SLC32A1: variants seen among roughly 807,000 people sequenced by gnomAD.
SLC32A1 encodes solute carrier family 32 member 1.
A neutral mutation model predicts 35.5 loss-of-function variants in SLC32A1; 8 were observed. The observed-to-expected ratio is 0.23, with a 90% CI of 0.13 to 0.41. The LOEUF (loss-of-function observed/expected upper bound fraction) is 0.41, where lower values mean the gene tolerates loss of function less well. SLC32A1 is among the 10% of genes least tolerant of loss of function. The pLI is 1.00. For synonymous variants in SLC32A1, 317 were observed against 326.3 expected, an observed-to-expected ratio of 0.97 and a Z score of 0.31; for missense variants, 493 against 722.3, an observed-to-expected ratio of 0.68 and a Z score of 3.64.
At position 38,724,948 on chromosome 20, in the gene SLC32A1, C is replaced by T. The variant is rs2084269077; in HGVS notation, c.224C>T (p.Ala75Val). Residue 75 changes from alanine (A) to valine (V), a missense_variant, in exon 1 of 2, where the codon GCT becomes GTT. This residue lies in a region of SLC32A1 where 133 missense variants were observed against 145.9 expected (regional missense o/e 0.91). Transcript: ENST00000217420. ...AEGEPCGDEG[A>V]EAPVEGDIHY... ...GGAGAGCCCTGCGGGGACGAGGGCG[C>T]TGAAGCGCCCGTCGAGGGAGACATC... is the stretch of plus-strand genomic sequence containing the variant. 1 of 1,607,216 alleles carries T rather than the reference C, an allele frequency of 6.2e-7. No individual in the cohort carries two copies. Among genetic ancestry groups the T allele is most frequent in the African/African-American group, 1.3e-5 (1 of 74,496 alleles).
In SLC32A1 at chr20:38,724,940, C is replaced by T. The variant is rs759562550; in HGVS notation, c.216C>T (p.Asp72=). The change falls in exon 1 of 2, where the codon GAC becomes GAT. Residue 72 remains aspartate (D), a synonymous_variant. Coordinates refer to ENST00000217420, the MANE Select transcript of SLC32A1 (RefSeq NM_080552.3). The part of the protein sequence containing the change: ...ILKAEGEPCG[D]EGAEAPVEGD... Reference sequence around the variant, plus strand: ...AAGCCGAGGGAGAGCCCTGCGGGGACGAGGGCGCTGAAGCGCCCGTCGAGG... The same window carrying T: ...AAGCCGAGGGAGAGCCCTGCGGGGATGAGGGCGCTGAAGCGCCCGTCGAGG... 3.7e-6 allele frequency: 6 copies of T among 1,610,254 alleles called. No homozygotes were observed. In the South Asian group the frequency reaches 6.6e-5, roughly 18 times the overall value.
rs1196162190 is a variant in SLC32A1 at position 38,726,793 on chromosome 20, G to C, written c.391-659G>C. On this transcript the variant is annotated intron_variant, in intron 1 of 1. Coordinates refer to ENST00000217420, the MANE Select transcript of SLC32A1 (RefSeq NM_080552.3). The surrounding 1 kb of genome is among the most constrained non-coding windows in gnomAD (Gnocchi z 4.7). ...CCTCCCCGCGCGCTGCTCCCCAAGC[G>C]TCTTCACATTGTCTCTGTTCTTGCC... 6.6e-6 allele frequency among the ~76,000 whole-genome samples: 1 copy of C among 151,942 alleles called. No individual in the cohort carries two copies. Among genetic ancestry groups the C allele is most frequent in the East Asian group, 1.9e-4 (1 of 5,140 alleles).
rs549741287 is a variant in SLC32A1 at position 38,728,662 on chromosome 20, G to A, written c.*23G>A. The A allele has an allele frequency of 7.8e-5, 122 of 1,556,438 alleles. 2 individuals carry two copies. In the South Asian group the frequency reaches 1.4e-3, roughly 18 times the overall value. On this transcript the variant is annotated 3_prime_UTR_variant, in exon 2 of 2. Transcript: ENST00000217420. ...TAGGGCGCAAGGGCGAGCCCCCGCC[G>A]CGCTTCTGCGCTCTCTCCCTTCTCC...
chr20:38,727,503 G>T lies in SLC32A1; in HGVS notation c.442G>T (p.Gly148Trp). 1 of 1,609,122 alleles carries T rather than the reference G, an allele frequency of 6.2e-7. No individual in the cohort carries two copies. The change falls in exon 2 of 2, where the codon GGG (glycine) becomes TGG (tryptophan). Residue 148 changes from glycine to tryptophan, a missense_variant. Physicochemically the swap from Gly to Trp is radical, Grantham distance 184. Transcript: ENST00000217420. The part of the protein sequence containing the change: ...PYAILHGGYL[G>W]LFLIIFAAVV... ...CGCCATCCTGCACGGCGGCTACCTG[G>T]GGTTGTTTCTCATCATCTTCGCCGC...
chr20:38,728,129 C>A lies in SLC32A1; in HGVS notation c.1068C>A (p.Leu356=), dbSNP rs751675788. The A allele has an allele frequency of 1.2e-6, 2 of 1,614,120 alleles. No homozygotes were observed. The highest frequency in any genetic ancestry group is 1.1e-5 in the South Asian group (1 of 91,078). ...AACVLKGLFA[L]VAYLTWADET... is the part of the protein sequence containing the mutation. ...GCGTGCTCAAGGGCCTCTTCGCGCT[C>A]GTCGCCTACCTCACCTGGGCCGACG... The change falls in exon 2 of 2, where the codon CTC becomes CTA. Residue 356 remains leucine, a synonymous_variant. Transcript: ENST00000217420.
Position 38,727,583 on chromosome 20 carries a change from T to G in SLC32A1, c.522T>G (p.Asn174Lys), listed in dbSNP as rs759565716. Residue 174 changes from asparagine to lysine, a missense_variant, in exon 2 of 2, where the codon AAT (asparagine) becomes AAG (lysine). Coordinates refer to ENST00000217420, the MANE Select transcript of SLC32A1 (RefSeq NM_080552.3). ...TCATCGCGTGCCTGTACGAGGAGAA[T>G]GAAGACGGCGAGGTGGTGCGCGTGC... is the stretch of plus-strand genomic sequence containing the variant. ...KILIACLYEENEDGEVVRVRD... is the reference protein window; with the variant it reads ...KILIACLYEEKEDGEVVRVRD... 1.9e-6 allele frequency: 3 copies of G among 1,611,730 alleles called. No individual in the cohort carries two copies. Among genetic ancestry groups the G allele is most frequent in the Non-Finnish European group, 2.5e-6 (3 of 1,180,028 alleles).
rs1466225482 is a variant in SLC32A1 at position 38,725,013 on chromosome 20, G to A, written c.289G>A (p.Gly97Ser). The change falls in exon 1 of 2, where the codon GGC becomes AGC. Residue 97 changes from glycine (G) to serine (S), a missense_variant. Around this residue, in one of 4 missense-constraint regions of SLC32A1, gnomAD observed 133 missense variants for 145.9 expected, o/e 0.91. Transcript: ENST00000217420. ...RGSGAPLPPSGSKDQVGGGGE... is the reference protein window; with the variant it reads ...RGSGAPLPPSSSKDQVGGGGE... The stretch of plus-strand genomic sequence containing the variant: ...CAGCGGAGCTCCTCTGCCGCCCTCC[G>A]GCTCCAAGGACCAGGTGGGAGGTGG... 6.4e-6 allele frequency: 10 copies of A among 1,568,378 alleles called. No individual in the cohort carries two copies. Among genetic ancestry groups the A allele is most frequent in the South Asian group, 2.4e-5 (2 of 83,926 alleles).
chr20:38,726,706 G>A lies in SLC32A1; in HGVS notation c.391-746G>A, dbSNP rs2084277479. Among the ~76,000 whole-genome samples the A allele has an allele frequency of 6.6e-6, 1 of 151,974 alleles. No homozygotes were observed. Among genetic ancestry groups the A allele is most frequent in the Non-Finnish European group, 1.5e-5 (1 of 67,986 alleles). ...CACTTAGTCCCCTTCCTTAGGTCTC[G>A]CCCTCGCCTCACTCTAACTCCAGCC... On this transcript the variant is annotated intron_variant, in intron 1 of 1. Transcript: ENST00000217420. The surrounding 1 kb of genome is among the most constrained non-coding windows in gnomAD (Gnocchi z 4.7).
Position 38,728,523 on chromosome 20 carries a change from C to T in SLC32A1, c.1462C>T (p.His488Tyr), listed in dbSNP as rs2084287213. ...CCTGCTCTGGCGCAAGCTGCTGTGG[C>T]ACCAAGTCTTCTTCGACGTCGCCAT... is the stretch of plus-strand genomic sequence containing the variant. ...LRLLWRKLLWHQVFFDVAIFV... is the reference protein window; with the variant it reads ...LRLLWRKLLWYQVFFDVAIFV... The change falls in exon 2 of 2, where the codon CAC (histidine) becomes TAC (tyrosine). Residue 488 changes from histidine to tyrosine, a missense_variant. This residue lies in a region of SLC32A1 where 269 missense variants were observed against 445.6 expected (regional missense o/e 0.60). Coordinates refer to ENST00000217420, the MANE Select transcript of SLC32A1 (RefSeq NM_080552.3). The T allele has an allele frequency of 6.2e-7, 1 of 1,613,590 alleles. No homozygotes were observed. Among genetic ancestry groups the T allele is most frequent in the Non-Finnish European group, 8.5e-7 (1 of 1,179,968 alleles).
Position 38,724,741 on chromosome 20 carries a change from G to T in SLC32A1, c.17G>T (p.Arg6Leu), listed in dbSNP as rs376758221. 10 of 1,610,202 alleles carry T rather than the reference G, an allele frequency of 6.2e-6. No individual in the cohort carries two copies. Among genetic ancestry groups the T allele is most frequent in the Non-Finnish European group, 7.6e-6 (9 of 1,178,470 alleles). The stretch of plus-strand genomic sequence containing the variant: ...ACCGCCGCCATGGCCACCTTGCTCC[G>T]CAGCAAGCTGTCCAACGTGGCCACG... MATLL[R>L]SKLSNVATSV... Residue 6 changes from arginine to leucine, a missense_variant, in exon 1 of 2, where the codon CGC (arginine) becomes CTC (leucine). Physicochemically the swap from Arg to Leu is moderately radical, Grantham distance 102 (BLOSUM62 -2). Transcript: ENST00000217420.
chr20:38,728,730 C>G lies in SLC32A1; in HGVS notation c.*91C>G. 2 of 1,057,766 alleles carry G rather than the reference C, an allele frequency of 1.9e-6. No individual in the cohort carries two copies. Among genetic ancestry groups the G allele is most frequent in the South Asian group, 3.2e-5 (2 of 62,738 alleles). The allele number at this position is 1,057,766 out of a possible 1,614,324, so 65.5% of individuals were successfully genotyped here. ...CAGCCCAGTGCGCCCTGCCGCCGCG[C>G]TTGGGAGGCCAAGCTTTAAACATCT... is the stretch of plus-strand genomic sequence containing the variant. On this transcript the variant is annotated 3_prime_UTR_variant, in exon 2 of 2. Coordinates refer to ENST00000217420, the MANE Select transcript of SLC32A1 (RefSeq NM_080552.3).
At position 38,728,795 on chromosome 20, in the gene SLC32A1, G is replaced by A; in HGVS notation, c.*156G>A. ...CTGATTATTCGGGGATGGGGGGGAT[G>A]GGAGGGGACAGGGATTCACGATCCA... is the stretch of plus-strand genomic sequence containing the variant. On this transcript the variant is annotated 3_prime_UTR_variant, in exon 2 of 2. Coordinates refer to ENST00000217420, the MANE Select transcript of SLC32A1 (RefSeq NM_080552.3). The A allele has an allele frequency of 3.4e-6, 2 of 583,458 alleles. No individual in the cohort carries two copies. Among genetic ancestry groups the A allele is most frequent in the Non-Finnish European group, 6.0e-6 (2 of 334,328 alleles). 36.1% of individuals were successfully genotyped at this position (583,458 alleles called of 1,614,324 possible).
Position 38,724,491 on chromosome 20 carries a change from A to C in SLC32A1, c.-234A>C. 3.8e-6 allele frequency: 2 copies of C among 520,982 alleles called. No individual in the cohort carries two copies. Among genetic ancestry groups the C allele is most frequent in the Non-Finnish European group, 6.5e-6 (2 of 308,034 alleles). The allele number at this position is 520,982 out of a possible 1,614,324, so 32.3% of individuals were successfully genotyped here. ...GCGCCCCGCGGCAGCTCCGCAGTGC[A>C]CTAGCCACCACCGCCGCCGCCGCCG... is the stretch of plus-strand genomic sequence containing the variant. On this transcript the variant is annotated 5_prime_UTR_variant, in exon 1 of 2. Coordinates refer to ENST00000217420, the MANE Select transcript of SLC32A1 (RefSeq NM_080552.3).
rs1459393443 is a variant in SLC32A1, at chr20:38,724,896, C to T, written c.172C>T (p.Leu58=). 1.9e-6 allele frequency: 3 copies of T among 1,613,912 alleles called. No homozygotes were observed. Among genetic ancestry groups the T allele is most frequent in the Non-Finnish European group, 2.5e-6 (3 of 1,180,002 alleles). Residue 58 remains leucine, a synonymous_variant, in exon 1 of 2, where the codon CTG becomes TTG. Coordinates refer to ENST00000217420, the MANE Select transcript of SLC32A1 (RefSeq NM_080552.3). Reference sequence around the variant, plus strand: ...CCTCGACTTTGAGCACCGCCAGGGCCTGCAGATGGACATCCTGAAAGCCGA... The same window carrying T: ...CCTCGACTTTGAGCACCGCCAGGGCTTGCAGATGGACATCCTGAAAGCCGA... ...DDLDFEHRQG[L]QMDILKAEGE...
rs901223186 is a variant in SLC32A1 at position 38,727,314 on chromosome 20, C to T, written c.391-138C>T. 6.7e-6 allele frequency: 5 copies of T among 745,090 alleles called. No individual in the cohort carries two copies. In the Admixed American group the frequency reaches 1.4e-4, roughly 20 times the overall value. The allele number at this position is 745,090 out of a possible 1,614,324, so 46.2% of individuals were successfully genotyped here. On this transcript the variant is annotated intron_variant, in intron 1 of 1. Coordinates refer to ENST00000217420, the MANE Select transcript of SLC32A1 (RefSeq NM_080552.3). The stretch of plus-strand genomic sequence containing the variant: ...CCCCGCAGCCTGCTCTTAACCTCTC[C>T]TCCCCGGCGGCTCAGACCCAATTCT...
At position 38,728,920 on chromosome 20, in the gene SLC32A1, G is replaced by C; in HGVS notation, c.*281G>C. The C allele has an allele frequency of 2.4e-6, 1 of 409,442 alleles. No homozygotes were observed. The allele number at this position is 409,442 out of a possible 1,614,324, so 25.4% of individuals were successfully genotyped here. A position where few individuals can be genotyped will look rare whatever the true frequency, so the allele number is the denominator to read the frequency against. ...GCAGGGTTCTCTGTCCTTCCAAGTG[G>C]GGCCCCGACACTTTGGTTCCAGTCA... is the stretch of plus-strand genomic sequence containing the variant. On this transcript the variant is annotated 3_prime_UTR_variant, in exon 2 of 2. Coordinates refer to ENST00000217420, the MANE Select transcript of SLC32A1 (RefSeq NM_080552.3).
In SLC32A1 at chr20:38,724,922, G is replaced by A. The variant is rs1433508942; in HGVS notation, c.198G>A (p.Glu66=). ...QGLQMDILKA[E]GEPCGDEGAE... is the part of the protein sequence containing the mutation. ...TGCAGATGGACATCCTGAAAGCCGA[G>A]GGAGAGCCCTGCGGGGACGAGGGCG... is the stretch of plus-strand genomic sequence containing the variant. The change falls in exon 1 of 2, where the codon GAG becomes GAA. Residue 66 remains glutamate (E), a synonymous_variant. Transcript: ENST00000217420. The A allele has an allele frequency of 1.2e-6, 2 of 1,613,630 alleles. No homozygotes were observed. Among genetic ancestry groups the A allele is most frequent in the South Asian group, 2.2e-5 (2 of 91,046 alleles).
At position 38,729,030 on chromosome 20, in the gene SLC32A1, A is replaced by C. The variant is rs2084289690; in HGVS notation, c.*391A>C. ...TTGGGGGAATATTTCACATCCATCC[A>C]GAGCTCGGAATCTACAGCGTCCAGC... On this transcript the variant is annotated 3_prime_UTR_variant, in exon 2 of 2. Coordinates refer to ENST00000217420, the MANE Select transcript of SLC32A1 (RefSeq NM_080552.3). 1 of 186,594 alleles carries C rather than the reference A, an allele frequency of 5.4e-6. No homozygotes were observed. The highest frequency in any genetic ancestry group is 1.5e-4 in the South Asian group (1 of 6,548). The allele number at this position is 186,594 out of a possible 1,614,324, so 11.6% of individuals were successfully genotyped here. A position where few individuals can be genotyped will look rare whatever the true frequency, so the allele number is the denominator to read the frequency against.
chr20:38,727,453 G>A lies in SLC32A1; in HGVS notation c.392G>A (p.Gly131Asp), dbSNP rs1484509288. 1 of 1,606,964 alleles carries A rather than the reference G, an allele frequency of 6.2e-7. No homozygotes were observed. The highest frequency in any genetic ancestry group is 8.5e-7 in the Non-Finnish European group (1 of 1,178,884). Residue 131 changes from glycine to aspartate, a missense_variant and splice_region_variant, in exon 2 of 2, where the codon GGC (glycine) becomes GAC (aspartate). Transcript: ENST00000217420. Reference protein sequence around the residue: ...AGWNVTNAIQGMFVLGLPYAI... With the variant: ...AGWNVTNAIQDMFVLGLPYAI... The stretch of plus-strand genomic sequence containing the variant: ...TCTGGTTGCCTCTCCGCCCCACAGG[G>A]CATGTTCGTGCTGGGCCTACCCTAC...
Sources: allele counts gnomAD v4.1 joint callset (sites outside exome capture counted in the v4.1 genomes callset), GRCh38; gene constraint gnomAD v4.1.1; regional missense constraint gnomAD v4.1.1; non-coding constraint Gnocchi (gnomAD v3.1); transcripts MANE v1.5; gene names NCBI Gene and HGNC (gene_info 2026-07-23, HGNC 2026-07-21).